Variants in SAMD12 observed in about 807,000 individuals in gnomAD.
SAMD12 encodes the protein sterile alpha motif domain containing 12.
In SAMD12, 9 loss-of-function variants were observed where a neutral mutation model predicts 15.0. That is an observed-to-expected ratio of 0.60 (90% CI 0.36 to 1.05). SAMD12 has a LOEUF of 1.05. Among genes scored for constraint, SAMD12 ranks in the 50% least tolerant of loss-of-function variants. SAMD12 has a pLI of 0.01. For missense variants in SAMD12, 230 were observed against 234.2 expected (o/e 0.98, Z 0.12); for synonymous variants, 86 against 90.1 (o/e 0.96, Z 0.25).
chr8:118,145,642 T>G, the SAMD12 span, among the ~76,000 whole-genome samples: 20 of 151,976 alleles, frequency 1.3e-4, no homozygotes, highest in African/African-American at 4.8e-4. Flanking sequence ...GCCGTGAACG[T>G]GAAAGGGTGA....
chr8:118,170,037 G>C, the SAMD12 span, among the ~76,000 whole-genome samples: 2 of 152,158 alleles, frequency 1.3e-5, no homozygotes, highest in Admixed American at 1.3e-4. Context: ...GGAACACTAA[G>C]ACTTTTACAT....
intron 2 of SAMD12, among the ~76,000 whole-genome samples, chr8:118,492,111 A>G (rs1824456414): frequency 7.0e-6 from 1 of 142,914 alleles, no homozygotes; most frequent in African/African-American, 2.7e-5. Flanking sequence ...CATCACTGAT[A>G]CTGGTGTTGC....
chr8:118,607,603 G>A (rs1828015795), intron 1 of SAMD12, among the ~76,000 whole-genome samples: 1 of 152,162 alleles, frequency 6.6e-6, no homozygotes, highest in Non-Finnish European at 1.5e-5. Context: ...TACTAGCTGT[G>A]TGACCATGAG....
intron 3 of SAMD12, among the ~76,000 whole-genome samples, chr8:118,391,143 TA>T (rs1349655519): frequency 2.0e-5 from 3 of 152,314 alleles, no homozygotes; most frequent in African/African-American, 7.2e-5. Flanking sequence ...AATTAATTTT[TA>T]AAAACCCTAA....
At chr8:118,227,002 A>C (rs576804885) in intron 4 of SAMD12, among the ~76,000 whole-genome samples, 3 of 152,344 alleles carry the variant, frequency 2.0e-5, no homozygotes, top group South Asian at 4.1e-4. Flanking sequence ...TCAACCTAGC[A>C]GTCCAATTAC....
the SAMD12 span, among the ~76,000 whole-genome samples, chr8:118,163,603 C>A: frequency 1.3e-5 from 2 of 151,314 alleles, no homozygotes; most frequent in Admixed American, 1.3e-4. Context: ...CAGCCGGGTG[C>A]GGTGGCTCAC....
chr8:118,521,246 T>A (rs1825380931), intron 2 of SAMD12, among the ~76,000 whole-genome samples: 1 of 152,188 alleles, frequency 6.6e-6, no homozygotes, highest in African/African-American at 2.4e-5. Flanking sequence ...CAGCACTCAC[T>A]GTCTGTCACA....
At chr8:118,483,509 G>A (rs1024126663) in intron 2 of SAMD12, among the ~76,000 whole-genome samples, 20 of 152,122 alleles carry the variant, frequency 1.3e-4, no homozygotes, top group Admixed American at 4.6e-4. Context: ...GACCAAGGTT[G>A]CCATCTAGTG....
chr8:118,306,099 G>T (rs915637199), intron 4 of SAMD12, among the ~76,000 whole-genome samples: 5 of 152,030 alleles, frequency 3.3e-5, no homozygotes, highest in African/African-American at 1.2e-4. Flanking sequence ...TAATTTCTGG[G>T]CTGCCTCAGT....
intron 2 of SAMD12, among the ~76,000 whole-genome samples, chr8:118,533,141 T>G (rs536137195): frequency 6.6e-6 from 1 of 152,252 alleles, no homozygotes; most frequent in African/African-American, 2.4e-5. Context: ...ATGTTGTGTC[T>G]TTGTTCTCGT....
chr8:118,444,971 A>G (rs1323460928), intron 2 of SAMD12, among the ~76,000 whole-genome samples: 1 of 152,230 alleles, frequency 6.6e-6, no homozygotes, highest in African/African-American at 2.4e-5. Context: ...GGCAGGGCAA[A>G]GTGAGCTTTA....
At position 118,197,220 on chromosome 8, in the gene SAMD12, A is replaced by G. The variant is rs141097359; in HGVS notation, c.*490T>C. On this transcript the variant is annotated 3_prime_UTR_variant, in exon 5 of 5. Coordinates refer to the SAMD12 transcript ENST00000409003. The stretch of plus-strand genomic sequence containing the variant: ...GTTGGACAGTATACCTTTAGACATC[A>G]TAACTAACATAATCGAGACGTGTTT... 2.7e-3 allele frequency: 457 copies of G among 167,144 alleles called. 1 individual carries two copies. The highest frequency in any genetic ancestry group is 3.7e-3 in the Non-Finnish European group (284 of 76,702). 10.4% of individuals were successfully genotyped at this position (167,144 alleles called of 1,614,324 possible).
chr8:118,307,818 C>T (rs1436559836), intron 4 of SAMD12, among the ~76,000 whole-genome samples: 1 of 140,814 alleles, frequency 7.1e-6, no homozygotes, highest in Admixed American at 7.1e-5. Context: ...GATGCTCTGC[C>T]TCTGGCTTTT....
intron 4 of SAMD12, among the ~76,000 whole-genome samples, chr8:118,297,860 TATC>T (rs1278548020): frequency 6.6e-6 from 1 of 152,238 alleles, no homozygotes; most frequent in African/African-American, 2.4e-5. Context: ...TGTTTATTTT[TATC>T]ATAATACAGA....
At chr8:118,174,953 T>C in the SAMD12 span, among the ~76,000 whole-genome samples, 203 of 151,884 alleles carry the variant, frequency 1.3e-3, no homozygotes, top group Non-Finnish European at 1.6e-3. Context: ...TCAGCAAATA[T>C]TTCCAAAGAA....
chr8:118,246,695 T>C (rs1348917721), intron 4 of SAMD12, among the ~76,000 whole-genome samples: 1 of 152,022 alleles, frequency 6.6e-6, no homozygotes, highest in African/African-American at 2.4e-5. Flanking sequence ...GATATAAATA[T>C]GAGTAGAGTG....
chr8:118,407,215 T>C (rs1419143917), intron 3 of SAMD12, among the ~76,000 whole-genome samples: 1 of 152,166 alleles, frequency 6.6e-6, no homozygotes, highest in African/African-American at 2.4e-5. Flanking sequence ...ATATGGTAAT[T>C]CTATTTTTAA....
chr8:118,318,341 TATATATATATATATAC>T (rs1376017490), intron 4 of SAMD12, among the ~76,000 whole-genome samples: 16 of 104,582 alleles, frequency 1.5e-4, no homozygotes, highest in Non-Finnish European at 7.0e-5. Context: ...TATATATATA[TATATATATATATATAC>T]ATATATACCA....
chr8:118,278,557 T>C (rs571093679), intron 4 of SAMD12, among the ~76,000 whole-genome samples: 1 of 152,344 alleles, frequency 6.6e-6, no homozygotes, highest in South Asian at 2.1e-4. Context: ...TAGCTGCTGC[T>C]GTTAAGTACA....
Sources: gnomAD v4.1 joint callset for allele counts (sites outside exome capture counted in the v4.1 genomes callset) on GRCh38, gnomAD v4.1.1 for gene constraint, MANE v1.5 for transcripts, NCBI Gene and HGNC (gene_info 2026-07-23, HGNC 2026-07-21) for gene names.